Variants in LRRC36 observed in about 807,000 individuals in gnomAD.
LRRC36 encodes the protein leucine rich repeat containing 36.
A neutral mutation model predicts 81.1 loss-of-function variants in LRRC36; 62 were observed. The observed-to-expected ratio is 0.76, with a 90% CI of 0.62 to 0.94. The LOEUF (loss-of-function observed/expected upper bound fraction) is 0.94, where lower values mean the gene tolerates loss of function less well. Among genes scored for constraint, LRRC36 ranks in the 40% least tolerant of loss-of-function variants. The probability of loss-of-function intolerance (pLI) is 0.00; values close to 1 mark genes in which losing one functional copy is unlikely to be tolerated. For missense variants in LRRC36, 761 were observed against 881.7 expected (o/e 0.86, Z 1.73); for synonymous variants, 334 against 348.6 (o/e 0.96, Z 0.47).
chr16:67,375,439 G>A, intron 10 of LRRC36, 27 bp downstream of exon 10: 1 of 1,544,816 alleles, frequency 6.5e-7, no homozygotes, highest in Non-Finnish European at 8.7e-7. Context: ...TCTGTCCTTG[G>A]ACAGGAGTTG....
intron 5 of LRRC36, among the ~76,000 whole-genome samples, chr16:67,355,669 C>T (rs1354142604): frequency 4.6e-5 from 7 of 152,098 alleles, no homozygotes; most frequent in Non-Finnish European, 1.0e-4. Flanking sequence ...CCACCGCGCC[C>T]GGTCTTTTAA....
intron 4 of LRRC36, among the ~76,000 whole-genome samples, chr16:67,347,827 A>G (rs1597449464): frequency 6.6e-6 from 1 of 152,174 alleles, no homozygotes; most frequent in East Asian, 1.9e-4. Context: ...GAAATTCTCT[A>G]AAGTTGTTGT....
chr16:67,366,957 C>G, intron 7 of LRRC36, 60 bp from the exon 8 acceptor site: 1 of 1,371,822 alleles, frequency 7.3e-7, no homozygotes, highest in Non-Finnish European at 1.0e-6. Flanking sequence ...CAGAGGTACT[C>G]CCAGCTAGGC....
intron 5 of LRRC36, among the ~76,000 whole-genome samples, chr16:67,358,646 T>G (rs1318329092): frequency 1.3e-5 from 2 of 151,912 alleles, no homozygotes; most frequent in Non-Finnish European, 2.9e-5. Context: ...AGCTAACGTA[T>G]TCAACCCATT....
chr16:67,366,722 C>T (rs2039410711), intron 7 of LRRC36, among the ~76,000 whole-genome samples: 1 of 151,432 alleles, frequency 6.6e-6, no homozygotes, highest in Non-Finnish European at 1.5e-5. Flanking sequence ...TGCACTCCAG[C>T]CTGGGCGACA....
intron 11 of LRRC36, 26 bp downstream of exon 11, chr16:67,376,898 A>G (rs1255817901): frequency 6.3e-7 from 1 of 1,591,910 alleles, no homozygotes; most frequent in Non-Finnish European, 8.6e-7. Context: ...CTCCCTTTAG[A>G]AAAGGACAGA....
At position 67,367,142 on chromosome 16, in the gene LRRC36, C is replaced by T; in HGVS notation, c.880C>T (p.Pro294Ser). 6.2e-7 allele frequency: 1 copy of T among 1,614,106 alleles called. No individual in the cohort carries two copies. The highest frequency in any genetic ancestry group is 8.5e-7 in the Non-Finnish European group (1 of 1,180,002). ...SGSSPEKELIPKPDTFHLTHD... is the reference protein window; with the variant it reads ...SGSSPEKELISKPDTFHLTHD... ...TTCTTCTCCAGAAAAGGAATTGATACCAAAACCTGATACTTTTCATCTTAC... is the reference window on the plus strand; with the variant it reads ...TTCTTCTCCAGAAAAGGAATTGATATCAAAACCTGATACTTTTCATCTTAC... Residue 294 changes from proline to serine, a missense_variant, in exon 8 of 14, where the codon CCA becomes TCA. Coordinates refer to ENST00000329956, the MANE Select transcript of LRRC36 (RefSeq NM_018296.6).
chr16:67,347,572 CT>C lies in LRRC36; in HGVS notation c.473del (p.Leu158Ter). On this transcript the variant is annotated frameshift_variant, in exon 4 of 14. Coordinates refer to ENST00000329956, the MANE Select transcript of LRRC36 (RefSeq NM_018296.6). LOFTEE classifies it high-confidence loss of function. Reference protein sequence around the residue: ...FSQLGNSENFLLEVEKSSREK... With the variant: ...FSQLGNSENFXLEVEKSSREK... ...TCAGTTGGGCAACAGTGAAAATTTT[CT>C]TTTAGAGGTGGAAAAAAGGTAAGAA... 1.2e-6 allele frequency: 2 copies of C among 1,612,060 alleles called. No individual in the cohort carries two copies. The highest frequency in any genetic ancestry group is 1.7e-6 in the Non-Finnish European group (2 of 1,178,560).
chr16:67,335,748 T>C (rs75750699), intron 1 of LRRC36, among the ~76,000 whole-genome samples: 2 of 152,040 alleles, frequency 1.3e-5, no homozygotes, highest in African/African-American at 2.4e-5. Context: ...TTTTTTTTTT[T>C]TGAGACAGAC....
chr16:67,347,534 A>G lies in LRRC36; in HGVS notation c.431A>G (p.Lys144Arg), dbSNP rs1371687095. 6.2e-7 allele frequency: 1 copy of G among 1,613,320 alleles called. No homozygotes were observed. The highest frequency in any genetic ancestry group is 8.5e-7 in the Non-Finnish European group (1 of 1,179,346). ...CGTGAAGGTGAGAGAAAAGCTGCCAAGCTGCATTTTAGTCAGTTGGGCAAC... is the reference window on the plus strand; with the variant it reads ...CGTGAAGGTGAGAGAAAAGCTGCCAGGCTGCATTTTAGTCAGTTGGGCAAC... ...TVREGERKAA[K>R]LHFSQLGNSE... The change falls in exon 4 of 14, where the codon AAG (lysine) becomes AGG (arginine). Residue 144 changes from lysine to arginine, a missense_variant. Physicochemically the swap from Lys to Arg is conservative, Grantham distance 26. Transcript: ENST00000329956.
At position 67,369,236 on chromosome 16, in the gene LRRC36, C is replaced by T. The variant is rs548970158; in HGVS notation, c.1196-1708C>T. Among the ~76,000 whole-genome samples, 4 of 152,140 alleles carry T rather than the reference C, an allele frequency of 2.6e-5. No individual in the cohort carries two copies. The East Asian group carries it at 5.8e-4, about 22-fold the overall frequency. On this transcript the variant is annotated intron_variant, in intron 8 of 13. Transcript: ENST00000329956. ...TGAGGACTGGTCCTGAGCCCTCCAACAATTAGAAGTAGATAAAGAGAAACC... is the reference window on the plus strand; with the variant it reads ...TGAGGACTGGTCCTGAGCCCTCCAATAATTAGAAGTAGATAAAGAGAAACC...
At position 67,346,345 on chromosome 16, in the gene LRRC36, AC is replaced by A. The variant is rs2038346613; in HGVS notation, c.291del (p.Phe98SerfsTer7). 6.2e-7 allele frequency: 1 copy of A among 1,612,618 alleles called. No individual in the cohort carries two copies. The highest frequency in any genetic ancestry group is 1.3e-5 in the African/African-American group (1 of 74,884). On this transcript the variant is annotated frameshift_variant, in exon 3 of 14. Transcript: ENST00000329956. LOFTEE classifies it high-confidence loss of function. Reference protein sequence around the residue: ...LVEVSRLQPLPFLKELDLRLN... With the variant: ...LVEVSRLQPLXFLKELDLRLN... ...TGGAAGTGTCCCGTCTACAACCGTT[AC>A]CCTTCCTCAAAGAACTGGATTTGAG...
intron 9 of LRRC36, among the ~76,000 whole-genome samples, chr16:67,374,902 C>T (rs1055368599): frequency 4.0e-5 from 6 of 151,564 alleles, no homozygotes; most frequent in African/African-American, 1.2e-4. Context: ...GAAGCTGAGG[C>T]GGGACGATCA....
chr16:67,334,873 G>A (rs987032038), intron 1 of LRRC36, among the ~76,000 whole-genome samples: 9 of 152,074 alleles, frequency 5.9e-5, no homozygotes, highest in Non-Finnish European at 7.4e-5. Context: ...AGCAGGTTCC[G>A]TGATGCCCCC....
At chr16:67,384,635 A>G (rs918721284) in intron 13 of LRRC36, among the ~76,000 whole-genome samples, 3 of 152,348 alleles carry the variant, frequency 2.0e-5, no homozygotes, top group South Asian at 2.1e-4. Flanking sequence ...ACCGCTAGCT[A>G]TATATAAAAT....
Position 67,327,203 on chromosome 16 carries a change from CAG to C in LRRC36, c.70+272_70+273del, listed in dbSNP as rs537112131. On this transcript the variant is annotated intron_variant, in intron 1 of 13. Coordinates refer to ENST00000329956, the MANE Select transcript of LRRC36 (RefSeq NM_018296.6). Reference sequence around the variant, plus strand: ...AGTAGGGAAGGAGAAACAAGGTTAACAGGGGACCCTGCCGCAGGTGACAGAAC... The same window carrying C: ...AGTAGGGAAGGAGAAACAAGGTTAACGGGACCCTGCCGCAGGTGACAGAAC... Among the ~76,000 whole-genome samples the C allele has an allele frequency of 1.1e-4, 16 of 152,088 alleles. No individual in the cohort carries two copies. In the South Asian group the frequency reaches 3.1e-3, roughly 30 times the overall value.
intron 9 of LRRC36, 113 bp from the exon 10 acceptor site, chr16:67,375,134 A>T: frequency 7.7e-7 from 1 of 1,291,508 alleles, no homozygotes; most frequent in South Asian, 1.3e-5. Context: ...CTCCAAAAAA[A>T]AATTAAAAAA....
chr16:67,342,777 G>GAA (rs2038156788), intron 2 of LRRC36, among the ~76,000 whole-genome samples: 2 of 152,134 alleles, frequency 1.3e-5, no homozygotes, highest in South Asian at 4.1e-4. Context: ...CACCTGTCTT[G>GAA]GCAAAGCCCT....
intron 11 of LRRC36, 89 bp downstream of exon 11, chr16:67,376,961 T>C: frequency 2.2e-6 from 3 of 1,367,270 alleles, no homozygotes; most frequent in Non-Finnish European, 2.9e-6. Context: ...CGTGAACACC[T>C]AACCAAAATA....
Sources: allele counts gnomAD v4.1 joint callset (sites outside exome capture counted in the v4.1 genomes callset), GRCh38; gene constraint gnomAD v4.1.1; transcripts MANE v1.5; gene names NCBI Gene and HGNC (gene_info 2026-07-23, HGNC 2026-07-21).